The following SNTB1 variants were observed in gnomAD, a reference collection of about 807,000 sequenced individuals.
SNTB1 encodes beta-1-syntrophin.
A neutral mutation model predicts 48.9 loss-of-function variants in SNTB1; 36 were observed. The observed-to-expected ratio is 0.74, with a 90% CI of 0.56 to 0.97. The LOEUF (loss-of-function observed/expected upper bound fraction) is 0.97. SNTB1 is among the 50% of genes least tolerant of loss of function. SNTB1 has a pLI of 0.00. For missense variants in SNTB1, 786 were observed against 703.4 expected (o/e 1.12, Z -1.33); for synonymous variants, 299 against 294.6 (o/e 1.01, Z -0.15).
rs996804782 is a variant in SNTB1, at chr8:120,538,622, G to T, written c.*255C>A. 1.8e-6 allele frequency: 1 copy of T among 555,034 alleles called. No homozygotes were observed. The highest frequency in any genetic ancestry group is 3.5e-6 in the Non-Finnish European group (1 of 289,730). The allele number at this position is 555,034 out of a possible 1,614,324, so 34.4% of individuals were successfully genotyped here. A position where few individuals can be genotyped will look rare whatever the true frequency, so the allele number is the denominator to read the frequency against. ...TTCAAAGCTATGCTGTGTATTTCCC[G>T]TCACCTCACCTCTTTAACCTTGTAC... On this transcript the variant is annotated 3_prime_UTR_variant, in exon 7 of 7. Transcript: ENST00000517992.
chr8:120,808,880 C>G (rs1820382497), intron 1 of SNTB1, among the ~76,000 whole-genome samples: 1 of 151,982 alleles, frequency 6.6e-6, no homozygotes, highest in Non-Finnish European at 1.5e-5. Context: ...AATAAACAAA[C>G]AAAAAGGAAT....
intron 1 of SNTB1, among the ~76,000 whole-genome samples, chr8:120,744,081 G>A (rs1038738062): frequency 6.6e-6 from 1 of 150,994 alleles, no homozygotes; most frequent in Admixed American, 6.7e-5. Context: ...AGTGAGCTAA[G>A]ATCGTGCCAC....
intron 3 of SNTB1, among the ~76,000 whole-genome samples, chr8:120,606,071 C>T (rs1816511291): frequency 6.6e-6 from 1 of 151,780 alleles, no homozygotes. Flanking sequence ...ATGCCACCAA[C>T]TGTGTAAGTA....
In SNTB1 at chr8:120,622,518, C is replaced by T. The variant is rs1207986125; in HGVS notation, c.996+9926G>A. ...AGCCCAAACCAAACATATAAGGATG[C>T]AAAGAAACTCTGAAAATGATGTTTG... On this transcript the variant is annotated intron_variant, in intron 3 of 6. Coordinates refer to ENST00000517992, the MANE Select transcript of SNTB1 (RefSeq NM_021021.4). Among the ~76,000 whole-genome samples the T allele has an allele frequency of 6.6e-5, 10 of 151,830 alleles. No individual in the cohort carries two copies. The East Asian group carries it at 1.9e-3, about 29-fold the overall frequency.
chr8:120,738,489 A>G (rs1299346859), intron 1 of SNTB1, among the ~76,000 whole-genome samples: 1 of 151,980 alleles, frequency 6.6e-6, no homozygotes, highest in Non-Finnish European at 1.5e-5. Flanking sequence ...AAAGGAAAGC[A>G]AGTCTTAGAG....
chr8:120,769,977 T>C (rs1819590778), intron 1 of SNTB1, among the ~76,000 whole-genome samples: 1 of 152,162 alleles, frequency 6.6e-6, no homozygotes. Context: ...AAAAACAGGG[T>C]TGAACTCTTA....
At chr8:120,766,698 T>C (rs1819530784) in intron 1 of SNTB1, among the ~76,000 whole-genome samples, 1 of 152,164 alleles carries the variant, frequency 6.6e-6, no homozygotes, top group Non-Finnish European at 1.5e-5. Flanking sequence ...TATAGCGCTA[T>C]AATTGGCTAG....
chr8:120,771,218 T>C (rs1819621753), intron 1 of SNTB1, among the ~76,000 whole-genome samples: 1 of 152,128 alleles, frequency 6.6e-6, no homozygotes, highest in African/African-American at 2.4e-5. Flanking sequence ...AAGAGAAAGG[T>C]CCAGGTACCC....
intron 4 of SNTB1, among the ~76,000 whole-genome samples, chr8:120,558,800 AATATTGC>A (rs921990504): frequency 2.0e-5 from 3 of 152,230 alleles, no homozygotes; most frequent in African/African-American, 7.2e-5. Flanking sequence ...TTAATAAATG[AATATTGC>A]ATGGAGCAGT....
rs541140900 is a variant in SNTB1 at position 120,807,103 on chromosome 8, C to A, written c.571+4170G>T. Among the ~76,000 whole-genome samples the A allele has an allele frequency of 8.4e-4, 128 of 152,282 alleles. 1 individual carries two copies. The highest frequency in any genetic ancestry group is 3.4e-3 in the Middle Eastern group (1 of 294). On this transcript the variant is annotated intron_variant, in intron 1 of 6. Coordinates refer to ENST00000517992, the MANE Select transcript of SNTB1 (RefSeq NM_021021.4). ...GTTTCCAGTTCAGTTCCATAGGAGA[C>A]CTTTGGGATCAAAGGATTATTCAGT...
At chr8:120,803,246 T>C (rs1239695634) in intron 1 of SNTB1, among the ~76,000 whole-genome samples, 1 of 152,178 alleles carries the variant, frequency 6.6e-6, no homozygotes, top group East Asian at 1.9e-4. Flanking sequence ...TCCAACATAA[T>C]CACTATTAAT....
intron 2 of SNTB1, among the ~76,000 whole-genome samples, chr8:120,658,590 T>C (rs946185780): frequency 1.3e-5 from 2 of 152,226 alleles, no homozygotes; most frequent in East Asian, 1.9e-4. Context: ...CTATTAAGCA[T>C]GCAATGGCAA....
chr8:120,566,833 A>T (rs1331885662), intron 4 of SNTB1, among the ~76,000 whole-genome samples: 1 of 152,016 alleles, frequency 6.6e-6, no homozygotes, highest in Non-Finnish European at 1.5e-5. Flanking sequence ...TCTATCCACA[A>T]CTCTGTCCTC....
At chr8:120,784,103 C>G (rs1819876483) in intron 1 of SNTB1, among the ~76,000 whole-genome samples, 1 of 152,112 alleles carries the variant, frequency 6.6e-6, no homozygotes, top group Admixed American at 6.5e-5. Flanking sequence ...AAGCAATTCT[C>G]CTGCCTCAGC....
chr8:120,634,076 C>T (rs1817027716), intron 2 of SNTB1, among the ~76,000 whole-genome samples: 2 of 152,098 alleles, frequency 1.3e-5, no homozygotes, highest in Non-Finnish European at 2.9e-5. Context: ...ACCACTATCC[C>T]AAATCCCTAG....
chr8:120,550,983 C>T (rs961792004), intron 4 of SNTB1, among the ~76,000 whole-genome samples: 4 of 152,126 alleles, frequency 2.6e-5, no homozygotes, highest in South Asian at 2.1e-4. Flanking sequence ...CTCGGCCAGG[C>T]GCGGTGGCTC....
intron 2 of SNTB1, among the ~76,000 whole-genome samples, chr8:120,684,724 G>A (rs183671524): frequency 1.0e-3 from 153 of 150,602 alleles, no homozygotes; most frequent in Middle Eastern, 3.4e-3. Flanking sequence ...GCATGATCTC[G>A]GCTCACTGCA....
chr8:120,790,223 A>T (rs1820004814), intron 1 of SNTB1, among the ~76,000 whole-genome samples: 1 of 151,972 alleles, frequency 6.6e-6, no homozygotes, highest in Non-Finnish European at 1.5e-5. Context: ...AACTAGACAT[A>T]CAAGGAATAT....
Position 120,618,751 on chromosome 8 carries a change from C to T in SNTB1, c.996+13693G>A, listed in dbSNP as rs147579042. 1.9e-3 allele frequency among the ~76,000 whole-genome samples: 285 copies of T among 152,214 alleles called. 2 individuals carry two copies. Among genetic ancestry groups the T allele is most frequent in the African/African-American group, 6.6e-3 (276 of 41,524 alleles). On this transcript the variant is annotated intron_variant, in intron 3 of 6. Coordinates refer to ENST00000517992, the MANE Select transcript of SNTB1 (RefSeq NM_021021.4). ...GCTGTTGGACGCTGGATGAAATTACCTTTCAACCCAGTTATTATTCAAGTT... is the reference window on the plus strand; with the variant it reads ...GCTGTTGGACGCTGGATGAAATTACTTTTCAACCCAGTTATTATTCAAGTT...
Sources: gnomAD v4.1 joint callset for allele counts (sites outside exome capture counted in the v4.1 genomes callset) on GRCh38, gnomAD v4.1.1 for gene constraint, MANE v1.5 for transcripts, NCBI Gene and HGNC (gene_info 2026-07-23, HGNC 2026-07-21) for gene names.